SQLE: variants seen among roughly 807,000 people sequenced by gnomAD.
The protein encoded by SQLE is squalene epoxidase, also known as squalene monooxygenase.
In SQLE, 29 loss-of-function variants were observed where a neutral mutation model predicts 60.7. The ratio of observed to expected loss-of-function variants is 0.48; its 90% confidence interval spans 0.36 to 0.65. The LOEUF is 0.65. SQLE is among the 30% of genes least tolerant of loss of function. SQLE has a pLI of 0.00. For synonymous variants in SQLE, 237 were observed against 246.8 expected (o/e 0.96, Z 0.37); for missense variants, 605 against 684.1 (o/e 0.88, Z 1.29).
intron 10 of SQLE, 138 bp from the exon 11 acceptor site, chr8:125,021,615 A>C: frequency 1.7e-6 from 1 of 595,060 alleles, no homozygotes; most frequent in Non-Finnish European, 2.8e-6. Context: ...AAAATGTAGA[A>C]TGTTTCATAC....
rs1449893141 is a variant in SQLE, at chr8:124,998,852, C to T, written c.-552C>T. ...TTGGGCTGTACAGTGTCTCCGTCCG[C>T]GGAAAAAGAAGCCTCTGAACCCGCG... On this transcript the variant is annotated 5_prime_UTR_variant, in exon 1 of 11. Transcript: ENST00000265896. 7.4e-6 allele frequency: 3 copies of T among 404,060 alleles called. No homozygotes were observed. The highest frequency in any genetic ancestry group is 4.1e-5 in the African/African-American group (2 of 48,240). The allele number at this position is 404,060 out of a possible 1,614,324, so 25.0% of individuals were successfully genotyped here.
At chr8:125,008,251 G>T (rs78153939) in intron 4 of SQLE, among the ~76,000 whole-genome samples, 1 of 151,992 alleles carries the variant, frequency 6.6e-6, no homozygotes, top group East Asian at 1.9e-4. Context: ...CACCGCATCC[G>T]GCTAATTTTG....
In SQLE at chr8:124,999,166, G is replaced by C. The variant is rs1814798915; in HGVS notation, c.-238G>C. 1 of 393,508 alleles carries C rather than the reference G, an allele frequency of 2.5e-6. No individual in the cohort carries two copies. The highest frequency in any genetic ancestry group is 4.4e-6 in the Non-Finnish European group (1 of 224,864). The allele number at this position is 393,508 out of a possible 1,614,324, so 24.4% of individuals were successfully genotyped here. On this transcript the variant is annotated 5_prime_UTR_variant, in exon 1 of 11. Transcript: ENST00000265896. Reference sequence around the variant, plus strand: ...AGTCTGCTCGGGAGCTGTTCCAGCAGGCGATTTTTAAATACTGCTTTCTAC... The same window carrying C: ...AGTCTGCTCGGGAGCTGTTCCAGCACGCGATTTTTAAATACTGCTTTCTAC...
Position 124,999,894 on chromosome 8 carries a change from A to C in SQLE, c.291+200A>C, listed in dbSNP as rs1163851727. The C allele has an allele frequency of 6.5e-6, 5 of 763,702 alleles. No homozygotes were observed. In the Admixed American group the frequency reaches 1.1e-4, roughly 16 times the overall value. 47.3% of individuals were successfully genotyped at this position (763,702 alleles called of 1,614,324 possible). ...AAGAATGAGTGAAGACATTTGTTTC[A>C]TTTAGCATTGGTTGAGCCTCAGATG... is the stretch of plus-strand genomic sequence containing the variant. On this transcript the variant is annotated intron_variant, in intron 1 of 10. Coordinates refer to ENST00000265896, the MANE Select transcript of SQLE (RefSeq NM_003129.4).
chr8:125,002,414 A>T (rs1236814170), intron 1 of SQLE, among the ~76,000 whole-genome samples: 1 of 152,230 alleles, frequency 6.6e-6, no homozygotes, highest in Non-Finnish European at 1.5e-5. Context: ...GCAGTGGCTC[A>T]CGCCTGTAAT....
intron 6 of SQLE, 54 bp from the exon 7 acceptor site, chr8:125,011,483 T>C: frequency 7.1e-6 from 10 of 1,399,286 alleles, no homozygotes; most frequent in Non-Finnish European, 9.9e-7. Flanking sequence ...TATGTGATAC[T>C]TTGAAATTGA....
intron 2 of SQLE, among the ~76,000 whole-genome samples, chr8:125,003,703 G>A (rs959205957): frequency 6.6e-6 from 1 of 152,078 alleles, no homozygotes; most frequent in East Asian, 1.9e-4. Context: ...TAGAATGAGG[G>A]CATTAAATTT....
In SQLE at chr8:125,022,021, A is replaced by C. The variant is rs1318730268; in HGVS notation, c.*76A>C. 4 of 1,131,414 alleles carry C rather than the reference A, an allele frequency of 3.5e-6. No individual in the cohort carries two copies. The African/African-American group carries it at 6.3e-5, about 18-fold the overall frequency. 70.1% of individuals were successfully genotyped at this position (1,131,414 alleles called of 1,614,324 possible). A position where few individuals can be genotyped will look rare whatever the true frequency, so the allele number is the denominator to read the frequency against. On this transcript the variant is annotated 3_prime_UTR_variant, in exon 11 of 11. Coordinates refer to ENST00000265896, the MANE Select transcript of SQLE (RefSeq NM_003129.4). ...AAGAGACTTTTGGAAGAGGATATAT[A>C]TAGCATAGTACCATACCACTTATAA...
intron 9 of SQLE, among the ~76,000 whole-genome samples, chr8:125,019,669 T>A (rs1815171088): frequency 6.6e-6 from 1 of 152,242 alleles, no homozygotes; most frequent in African/African-American, 2.4e-5. Context: ...AATAGTAGGT[T>A]AATGAAACTA....
rs890232444 is a variant in SQLE at position 124,998,793 on chromosome 8, T to A, written c.-611T>A. The A allele has an allele frequency of 4.1e-6, 2 of 490,816 alleles. No individual in the cohort carries two copies. The highest frequency in any genetic ancestry group is 4.1e-5 in the African/African-American group (2 of 48,998). The allele number at this position is 490,816 out of a possible 1,614,324, so 30.4% of individuals were successfully genotyped here. On this transcript the variant is annotated 5_prime_UTR_variant, in exon 1 of 11. Coordinates refer to ENST00000265896, the MANE Select transcript of SQLE (RefSeq NM_003129.4). ...TCTTGAGTCCGAGGCCATCTTTTGT[T>A]GGAGAAGGCGTCGGCGTTGGCGTTT...
intron 9 of SQLE, among the ~76,000 whole-genome samples, chr8:125,019,866 AAC>A (rs922907397): frequency 8.8e-5 from 12 of 136,068 alleles, no homozygotes; most frequent in South Asian, 7.1e-4. Flanking sequence ...AAGGAAAAAA[AAC>A]AAAACAAAAA....
At position 125,020,739 on chromosome 8, in the gene SQLE, CA is replaced by C. The variant is rs1586321533; in HGVS notation, c.1445-44del. ...TTTCTGATATATCATTAGCATCCTA[CA>C]TAAGTGTGTACACATATTTGATTAT... On this transcript the variant is annotated intron_variant, in intron 9 of 10. Coordinates refer to ENST00000265896, the MANE Select transcript of SQLE (RefSeq NM_003129.4). 5.0e-6 allele frequency: 6 copies of C among 1,211,786 alleles called. No individual in the cohort carries two copies. The East Asian group carries it at 1.4e-4, about 29-fold the overall frequency. 75.1% of individuals were successfully genotyped at this position (1,211,786 alleles called of 1,614,324 possible).
At chr8:125,005,816 G>T in intron 3 of SQLE, 111 bp downstream of exon 3, 1 of 810,792 alleles carries the variant, frequency 1.2e-6, no homozygotes. Context: ...GCATAGTCTA[G>T]AACATATGTA....
rs1300108366 is a variant in SQLE at position 125,016,345 on chromosome 8, GCTTA to G, written c.1205-1711_1205-1708del. ...GTATTTTCAAATAGCCTGTTTTCAA[GCTTA>G]CTAATTCTTTCTTCTGCTTGATCAG... On this transcript the variant is annotated intron_variant, in intron 7 of 10. Coordinates refer to ENST00000265896, the MANE Select transcript of SQLE (RefSeq NM_003129.4). The surrounding 1 kb of genome is among the most constrained non-coding windows in gnomAD (Gnocchi z 4.1). 1.3e-5 allele frequency among the ~76,000 whole-genome samples: 2 copies of G among 151,936 alleles called. No homozygotes were observed. Among genetic ancestry groups the G allele is most frequent in the East Asian group, 1.9e-4 (1 of 5,172 alleles).
Position 125,003,320 on chromosome 8 carries a change from G to A in SQLE, c.436G>A (p.Gly146Arg). The change falls in exon 2 of 11, where the codon GGA (glycine) becomes AGA (arginine). Residue 146 changes from glycine to arginine, a missense_variant. Gly to Arg is a moderately radical substitution (Grantham distance 125). Coordinates refer to ENST00000265896, the MANE Select transcript of SQLE (RefSeq NM_003129.4). ...TTTGGCAGCTGTGCTTTCCAGAGAT[G>A]GAAGAAAGGTGACAGTCATTGAGAG... ...SALAAVLSRD[G>R]RKVTVIERDL... 1 of 1,613,938 alleles carries A rather than the reference G, an allele frequency of 6.2e-7. No individual in the cohort carries two copies. Among genetic ancestry groups the A allele is most frequent in the Non-Finnish European group, 8.5e-7 (1 of 1,179,874 alleles).
rs1166525405 is a variant in SQLE, at chr8:124,998,881, G to C, written c.-523G>C. ...AAAAGAAGCCTCTGAACCCGCGCCG[G>C]CCCGCAGCCCCCGTGCCTTCCGGCC... is the stretch of plus-strand genomic sequence containing the variant. On this transcript the variant is annotated 5_prime_UTR_variant, in exon 1 of 11. Transcript: ENST00000265896. 2.6e-6 allele frequency: 1 copy of C among 385,240 alleles called. No homozygotes were observed. Among genetic ancestry groups the C allele is most frequent in the Non-Finnish European group, 4.6e-6 (1 of 216,848 alleles). 23.9% of individuals were successfully genotyped at this position (385,240 alleles called of 1,614,324 possible).
rs1434750691 is a variant in SQLE, at chr8:125,020,858, G to C, written c.1519G>C (p.Gly507Arg). ...TGGCGAATGTGTTGCGGGTCCTGTT[G>C]GGCTGCTTTCTGTGTAAGTTGTGAT... Reference protein sequence around the residue: ...LGGECVAGPVGLLSVLSPNPL... With the variant: ...LGGECVAGPVRLLSVLSPNPL... The change falls in exon 10 of 11, where the codon GGG (glycine) becomes CGG (arginine). Residue 507 changes from glycine (G) to arginine (R), a missense_variant. Gly to Arg is a moderately radical substitution (Grantham distance 125). Transcript: ENST00000265896. The C allele has an allele frequency of 6.2e-7, 1 of 1,613,026 alleles. No individual in the cohort carries two copies. The highest frequency in any genetic ancestry group is 1.1e-5 in the South Asian group (1 of 90,972).
At chr8:125,004,867 T>A (rs935403545) in intron 2 of SQLE, among the ~76,000 whole-genome samples, 1 of 152,134 alleles carries the variant, frequency 6.6e-6, no homozygotes, top group African/African-American at 2.4e-5. Flanking sequence ...TCAACTGCTT[T>A]TGCTGCTTTA....
chr8:125,020,784 A>G lies in SQLE; in HGVS notation c.1445A>G (p.Asp482Gly). The G allele has an allele frequency of 6.2e-7, 1 of 1,604,772 alleles. No homozygotes were observed. Among genetic ancestry groups the G allele is most frequent in the Non-Finnish European group, 8.5e-7 (1 of 1,172,142 alleles). Reference sequence around the variant, plus strand: ...TGATTATTTTACAATTTTATTTTAGATTCCCTGCATCAACTAAGAAAAGCC... The same window carrying G: ...TGATTATTTTACAATTTTATTTTAGGTTCCCTGCATCAACTAAGAAAAGCC... Reference protein sequence around the residue: ...ALYELFSATDDSLHQLRKACF... With the variant: ...ALYELFSATDGSLHQLRKACF... Residue 482 changes from aspartate to glycine, a missense_variant and splice_region_variant, in exon 10 of 11, where the codon GAT becomes GGT. Asp to Gly is a moderately conservative substitution (Grantham distance 94). Coordinates refer to ENST00000265896, the MANE Select transcript of SQLE (RefSeq NM_003129.4).
Sources: gnomAD v4.1 joint callset for allele counts (sites outside exome capture counted in the v4.1 genomes callset) on GRCh38, gnomAD v4.1.1 for gene constraint, Gnocchi (gnomAD v3.1) non-coding constraint, MANE v1.5 for transcripts, NCBI Gene and HGNC (gene_info 2026-07-23, HGNC 2026-07-21) for gene names.